The following COL14A1 variants were observed in gnomAD, a reference collection of about 807,000 sequenced individuals.
COL14A1 encodes collagen type XIV alpha 1 chain, also known as collagen alpha-1(XIV) chain.
In COL14A1, 136 loss-of-function variants were observed where a neutral mutation model predicts 230.3. The observed-to-expected ratio is 0.59, with a 90% CI of 0.51 to 0.68. The LOEUF (loss-of-function observed/expected upper bound fraction) is 0.68, where lower values mean the gene tolerates loss of function less well. Ranked by LOEUF, COL14A1 falls within the 30% of genes least tolerant of loss-of-function variation. COL14A1 has a pLI of 0.00. For synonymous variants in COL14A1, 792 were observed against 784.1 expected (o/e 1.01, Z -0.17); for missense variants, 1,976 against 2,215.8 (o/e 0.89, Z 2.17).
chr8:120,295,589 A>G lies in COL14A1; in HGVS notation c.4237-1922A>G, dbSNP rs138759471. Among the ~76,000 whole-genome samples the G allele has an allele frequency of 2.2e-3, 334 of 151,998 alleles. 2 individuals carry two copies. The highest frequency in any genetic ancestry group is 3.5e-3 in the Non-Finnish European group (234 of 67,814). On this transcript the variant is annotated intron_variant, in intron 34 of 47. Transcript: ENST00000297848. ...GATATTATTATTGTGGAAACAAACT[A>G]CTATTATATTTCTGTCCTCAATACT...
intron 37 of COL14A1, among the ~76,000 whole-genome samples, chr8:120,311,209 C>G (rs755328074): frequency 1.2e-4 from 18 of 152,100 alleles, no homozygotes; most frequent in Non-Finnish European, 2.2e-4. Context: ...TTACTTGGTT[C>G]CATCTTTTAT....
At chr8:120,304,475 G>T (rs1820802023) in intron 36 of COL14A1, among the ~76,000 whole-genome samples, 1 of 152,014 alleles carries the variant, frequency 6.6e-6, no homozygotes, top group Non-Finnish European at 1.5e-5. Flanking sequence ...AGAACTTCTT[G>T]ACCCTGCTTA....
chr8:120,193,150 C>T (rs893449223), intron 5 of COL14A1, among the ~76,000 whole-genome samples: 38 of 152,302 alleles, frequency 2.5e-4, no homozygotes, highest in African/African-American at 5.8e-4. Flanking sequence ...AGTTTTTCTG[C>T]TCTGTTTTTT....
intron 5 of COL14A1, among the ~76,000 whole-genome samples, chr8:120,191,946 C>A (rs1159858817): frequency 6.6e-6 from 1 of 151,762 alleles, no homozygotes; most frequent in Non-Finnish European, 1.5e-5. Context: ...TGTCTCTGCA[C>A]GTGAGATGGG....
intron 25 of COL14A1, among the ~76,000 whole-genome samples, 179 bp from the exon 26 acceptor site, chr8:120,269,856 G>A (rs1819607150): frequency 6.6e-6 from 1 of 151,776 alleles, no homozygotes; most frequent in South Asian, 2.1e-4. Context: ...GTATAAAAGA[G>A]TAATTACAGC....
In COL14A1 at chr8:120,228,407, G is replaced by A. The variant is rs1993392; in HGVS notation, c.2138-303G>A. Among the ~76,000 whole-genome samples the A allele has an allele frequency of 0.68, 103,485 of 152,100 alleles. 35,645 individuals are homozygous for A. The highest frequency in any genetic ancestry group is 0.85 in the East Asian group (4,390 of 5,176). ...CTAATTTCCCTTAATTACCATGGCT[G>A]TGCCCCTATTTCAAAGTAATTGGGT... On this transcript the variant is annotated intron_variant, in intron 17 of 47. Transcript: ENST00000297848.
intron 36 of COL14A1, among the ~76,000 whole-genome samples, chr8:120,303,751 A>G (rs1358569547): frequency 1.3e-5 from 2 of 152,146 alleles, no homozygotes; most frequent in Non-Finnish European, 2.9e-5. Flanking sequence ...TGCTGACCTC[A>G]TAGAATGAGT....
chr8:120,199,129 T>C (rs542924553), intron 7 of COL14A1, among the ~76,000 whole-genome samples: 7 of 152,272 alleles, frequency 4.6e-5, no homozygotes, highest in African/African-American at 1.4e-4. Flanking sequence ...GTACATGAAA[T>C]CTATTATCAT....
rs1812155743 is a variant in COL14A1 at position 120,371,422 on chromosome 8, T to G, written c.*191T>G. The G allele has an allele frequency of 7.6e-6, 3 of 392,828 alleles. No individual in the cohort carries two copies. Among genetic ancestry groups the G allele is most frequent in the Non-Finnish European group, 1.3e-5 (3 of 224,344 alleles). The allele number at this position is 392,828 out of a possible 1,614,324, so 24.3% of individuals were successfully genotyped here. A position where few individuals can be genotyped will look rare whatever the true frequency, so the allele number is the denominator to read the frequency against. ...AAATATATATTTTTAAAAAGTTCCC[T>G]TAATCTATGACATGGTAGCAATGAT... On this transcript the variant is annotated 3_prime_UTR_variant, in exon 48 of 48. Coordinates refer to ENST00000297848, the MANE Select transcript of COL14A1 (RefSeq NM_021110.4).
At position 120,283,854 on chromosome 8, in the gene COL14A1, G is replaced by T. The variant is rs1021533543; in HGVS notation, c.3967+76G>T. ...ATGTGGCATGCCATTTTGCCTGTTT[G>T]TGTATATTACAGAGTAACTCACTAA... On this transcript the variant is annotated intron_variant, in intron 32 of 47. Transcript: ENST00000297848. 3.5e-5 allele frequency: 45 copies of T among 1,272,374 alleles called. No homozygotes were observed. The African/African-American group carries it at 4.8e-4, about 13-fold the overall frequency. 78.8% of individuals were successfully genotyped at this position (1,272,374 alleles called of 1,614,324 possible). A position where few individuals can be genotyped will look rare whatever the true frequency, so the allele number is the denominator to read the frequency against.
intron 14 of COL14A1, among the ~76,000 whole-genome samples, chr8:120,219,861 T>C (rs1586777667): frequency 6.6e-6 from 1 of 152,200 alleles, no homozygotes; most frequent in East Asian, 1.9e-4. Context: ...TAGAAAGCTA[T>C]GTTTGGTAAA....
intron 17 of COL14A1, 139 bp from the exon 18 acceptor site, chr8:120,228,571 T>C: frequency 1.6e-6 from 1 of 622,720 alleles, no homozygotes; most frequent in Non-Finnish European, 2.9e-6. Flanking sequence ...TTCATTTCTT[T>C]CGTCTTCTAA....
intron 45 of COL14A1, among the ~76,000 whole-genome samples, chr8:120,348,973 A>C (rs7828515): frequency 0.47 from 71,105 of 151,988 alleles, 17,225 homozygotes; most frequent in African/African-American, 0.61. Flanking sequence ...AAAACACTAT[A>C]CCCTAATGTC....
In COL14A1 at chr8:120,196,775, G is replaced by T; in HGVS notation, c.437-16G>T. The T allele has an allele frequency of 6.2e-7, 1 of 1,612,054 alleles. No homozygotes were observed. The highest frequency in any genetic ancestry group is 8.5e-7 in the Non-Finnish European group (1 of 1,179,012). ...CTGACAGTAACACATGCGCTTTTCT[G>T]GTTTGTGCTTTGCAGAAGTGAAATT... On this transcript the variant is annotated splice_polypyrimidine_tract_variant and intron_variant, in intron 5 of 47. Transcript: ENST00000297848.
chr8:120,243,755 C>A, intron 19 of COL14A1, 124 bp from the exon 20 acceptor site: 1 of 1,146,160 alleles, frequency 8.7e-7, no homozygotes, highest in Non-Finnish European at 1.3e-6. Flanking sequence ...CCTTTCTTTT[C>A]TCCTCACTCT....
chr8:120,306,020 A>G (rs1336401103), intron 36 of COL14A1, among the ~76,000 whole-genome samples: 2 of 152,152 alleles, frequency 1.3e-5, no homozygotes, highest in Non-Finnish European at 2.9e-5. Context: ...CACAAATTAG[A>G]TGTCTTGATT....
intron 2 of COL14A1, among the ~76,000 whole-genome samples, chr8:120,152,568 G>A (rs1268648498): frequency 6.6e-6 from 1 of 150,860 alleles, no homozygotes; most frequent in East Asian, 2.0e-4. Flanking sequence ...GTCTCTCCAT[G>A]GAATATTTTA....
chr8:120,232,102 A>G (rs1818291056), intron 19 of COL14A1: 1 of 152,374 alleles, frequency 6.6e-6, no homozygotes, highest in African/African-American at 2.4e-5. Context: ...CAATAGTTAT[A>G]TTTTTCATTG....
Position 120,255,629 on chromosome 8 carries a change from A to G in COL14A1, c.2869+273A>G, listed in dbSNP as rs182702465. 9.2e-5 allele frequency among the ~76,000 whole-genome samples: 14 copies of G among 152,344 alleles called. No individual in the cohort carries two copies. The East Asian group carries it at 2.7e-3, about 29-fold the overall frequency. The stretch of plus-strand genomic sequence containing the variant: ...TGAAGATAAAGCTGAGATATTCCAC[A>G]TAAAGCACTTGCAGTAGTGCTTTGT... On this transcript the variant is annotated intron_variant, in intron 23 of 47. Transcript: ENST00000297848.
Sources: gnomAD v4.1 joint callset for allele counts (sites outside exome capture counted in the v4.1 genomes callset) on GRCh38, gnomAD v4.1.1 for gene constraint, MANE v1.5 for transcripts, NCBI Gene and HGNC (gene_info 2026-07-23, HGNC 2026-07-21) for gene names.